Variants in SPATS2L observed in about 807,000 individuals in gnomAD.
The protein encoded by SPATS2L is spermatogenesis associated serine rich 2 like.
SPATS2L carries 30 observed loss-of-function variants against 59.6 expected under a neutral mutation model. The observed-to-expected ratio is 0.50, with a 90% confidence interval of 0.38 to 0.68. The LOEUF is 0.68. SPATS2L is among the 30% of genes least tolerant of loss of function. SPATS2L has a pLI of 0.00. For synonymous variants in SPATS2L, 252 were observed against 263.5 expected, an observed-to-expected ratio of 0.96 and a Z score of 0.42; for missense variants, 615 against 700.0, an observed-to-expected ratio of 0.88 and a Z score of 1.37.
intron 2 of SPATS2L, among the ~76,000 whole-genome samples, chr2:200,363,592 A>G (rs1424856293): frequency 1.3e-5 from 2 of 152,262 alleles, no homozygotes; most frequent in Non-Finnish European, 2.9e-5. Context: ...AGGAACAAGA[A>G]ATAAATACAT....
intron 8 of SPATS2L, among the ~76,000 whole-genome samples, chr2:200,443,630 A>G (rs182858832): frequency 3.3e-5 from 5 of 152,294 alleles, no homozygotes; most frequent in Non-Finnish European, 5.9e-5. Flanking sequence ...AGTACTCAAC[A>G]AGCATTTCGT....
chr2:200,350,230 T>C (rs1256623359), intron 2 of SPATS2L, among the ~76,000 whole-genome samples: 1 of 152,148 alleles, frequency 6.6e-6, no homozygotes, highest in African/African-American at 2.4e-5. Context: ...TGTATTCTTA[T>C]CTGTGGGCCC....
chr2:200,351,412 C>G (rs768359470), intron 2 of SPATS2L: 25 of 423,378 alleles, frequency 5.9e-5, no homozygotes, highest in Non-Finnish European at 1.2e-4. Flanking sequence ...AGATACTTTT[C>G]AAAATCCTGA....
rs748869588 is a variant in SPATS2L, at chr2:200,477,641, A to G, written c.1287A>G (p.Gly429=). ...TCTCTTTTCTTTTTTGGTAGAATGG[A>G]TCTTCTAACCAAAGACGGAGATTTA... The part of the protein sequence containing the change: ...HQTMPANKQN[G]SSNQRRRFNP... Residue 429 remains glycine, a synonymous_variant, in exon 13 of 13, where the codon GGA becomes GGG. Coordinates refer to ENST00000409140, the MANE Select transcript of SPATS2L (RefSeq NM_001100423.2). 9.7e-6 allele frequency: 15 copies of G among 1,542,548 alleles called. No homozygotes were observed. The Admixed American group carries it at 3.1e-4, about 32-fold the overall frequency.
rs1243681211 is a variant in SPATS2L at position 200,431,670 on chromosome 2, T to C, written c.446-7452T>C. ...AGTTAGATTTGAATTCTTTCTTCAGTCTACTTATAAGTATATCAAGCTTTC... is the reference window on the plus strand; with the variant it reads ...AGTTAGATTTGAATTCTTTCTTCAGCCTACTTATAAGTATATCAAGCTTTC... On this transcript the variant is annotated intron_variant, in intron 6 of 12. Transcript: ENST00000409140. Among the ~76,000 whole-genome samples, 4 of 152,368 alleles carry C rather than the reference T, an allele frequency of 2.6e-5. No homozygotes were observed. In the East Asian group the frequency reaches 7.7e-4, roughly 29 times the overall value.
At chr2:200,418,313 C>T (rs1004858703) in intron 5 of SPATS2L, among the ~76,000 whole-genome samples, 1 of 152,134 alleles carries the variant, frequency 6.6e-6, no homozygotes, top group African/African-American at 2.4e-5. Context: ...TGGCTTGTGC[C>T]TGTAATCTCA....
At chr2:200,477,555 G>T in intron 12 of SPATS2L, 81 bp from the exon 13 acceptor site, 48 of 690,480 alleles carry the variant, frequency 7.0e-5, no homozygotes, top group Non-Finnish European at 8.8e-5. Context: ...CTGTGGCTTA[G>T]AGATTTGGTT....
chr2:200,372,122 CAT>C (rs2081445239), intron 2 of SPATS2L: 1 of 985,450 alleles, frequency 1.0e-6, no homozygotes, highest in African/African-American at 1.7e-5. Flanking sequence ...TCAGACAACA[CAT>C]GACTAAGACA....
intron 2 of SPATS2L, among the ~76,000 whole-genome samples, chr2:200,358,078 G>T (rs570787826): frequency 6.6e-6 from 1 of 152,302 alleles, no homozygotes; most frequent in African/African-American, 2.4e-5. Flanking sequence ...CGAACAAACT[G>T]TGTGGTCTGG....
chr2:200,466,782 G>A (rs2086635621), intron 9 of SPATS2L, among the ~76,000 whole-genome samples: 2 of 152,144 alleles, frequency 1.3e-5, no homozygotes, highest in Non-Finnish European at 2.9e-5. Flanking sequence ...AACTAATAAA[G>A]TTAGATTTTT....
chr2:200,453,532 A>C (rs925290707), intron 8 of SPATS2L, among the ~76,000 whole-genome samples: 1 of 152,222 alleles, frequency 6.6e-6, no homozygotes, highest in African/African-American at 2.4e-5. Flanking sequence ...ATTAGGCCTT[A>C]AATGTATAAA....
chr2:200,455,458 A>C (rs922843804), intron 8 of SPATS2L, among the ~76,000 whole-genome samples: 6 of 152,192 alleles, frequency 3.9e-5, no homozygotes, highest in African/African-American at 1.4e-4. Flanking sequence ...GATGTCAGGA[A>C]GCTTAGATGA....
chr2:200,460,258 GTTTATCATATTAAAT>G (rs1187589668), intron 9 of SPATS2L, among the ~76,000 whole-genome samples: 3 of 151,998 alleles, frequency 2.0e-5, no homozygotes, highest in African/African-American at 7.3e-5. Context: ...GTTCAATTAA[GTTTATCATATTAAAT>G]TTTCCTAGAA....
chr2:200,360,210 C>T (rs76150940), intron 2 of SPATS2L, among the ~76,000 whole-genome samples: 4,372 of 152,278 alleles, frequency 0.029, 97 homozygotes, highest in Non-Finnish European at 0.047. Context: ...GCTAACTGGT[C>T]CACCCAAGTC....
At chr2:200,382,752 A>G (rs905597031) in intron 2 of SPATS2L, among the ~76,000 whole-genome samples, 14 of 152,296 alleles carry the variant, frequency 9.2e-5, no homozygotes, top group Admixed American at 5.9e-4. Context: ...CTTAATTTCT[A>G]TTCGTAGGGT....
rs572346741 is a variant in SPATS2L, at chr2:200,327,308, G to T, written c.-72-2123G>T. Among the ~76,000 whole-genome samples the T allele has an allele frequency of 7.2e-5, 11 of 152,126 alleles. No homozygotes were observed. The East Asian group carries it at 2.0e-3, about 27-fold the overall frequency. ...AATCCCAGCTACTTGAGAGGCCAAG[G>T]CAGGAGAATCACTTGAACCTGGGAG... On this transcript the variant is annotated intron_variant, in intron 1 of 12. Coordinates refer to ENST00000409140, the MANE Select transcript of SPATS2L (RefSeq NM_001100423.2).
intron 2 of SPATS2L, among the ~76,000 whole-genome samples, chr2:200,368,679 T>C (rs1380501390): frequency 6.6e-6 from 1 of 152,178 alleles, no homozygotes; most frequent in Non-Finnish European, 1.5e-5. Flanking sequence ...ATGGTGGATA[T>C]AGCAGACATG....
At position 200,482,024 on chromosome 2, in the gene SPATS2L, A is replaced by G. The variant is rs2087790185; in HGVS notation, c.*3993A>G. ...TTTCTTAAGCAAACTATAAAATAGCAAAAGACCAAAAAAAAAGGAAAAAAA... is the reference window on the plus strand; with the variant it reads ...TTTCTTAAGCAAACTATAAAATAGCGAAAGACCAAAAAAAAAGGAAAAAAA... On this transcript the variant is annotated 3_prime_UTR_variant, in exon 13 of 13. Transcript: ENST00000409140. The G allele has an allele frequency of 5.7e-5, 2 of 35,272 alleles. No homozygotes were observed. Among genetic ancestry groups the G allele is most frequent in the Non-Finnish European group, 1.1e-4 (1 of 9,202 alleles). The allele number at this position is 35,272 out of a possible 1,614,324, so 2.2% of individuals were successfully genotyped here.
At chr2:200,424,496 AAAAC>A (rs139966930) in intron 6 of SPATS2L, among the ~76,000 whole-genome samples, 12,772 of 152,096 alleles carry the variant, frequency 0.084, 699 homozygotes, top group Middle Eastern at 0.13. Context: ...CACAAAAACA[AAAAC>A]AAACAAACAA....
Sources: gnomAD v4.1 joint callset for allele counts (sites outside exome capture counted in the v4.1 genomes callset) on GRCh38, gnomAD v4.1.1 for gene constraint, MANE v1.5 for transcripts, NCBI Gene and HGNC (gene_info 2026-07-23, HGNC 2026-07-21) for gene names.